The following NOD1 variants were observed in gnomAD, a reference collection of about 807,000 sequenced individuals.
NOD1 encodes the protein nucleotide binding oligomerization domain containing 1.
Under a neutral mutation model 81.2 loss-of-function variants are expected in NOD1, and 70 were observed. The observed-to-expected ratio is 0.86, with a 90% CI of 0.71 to 1.05. The LOEUF (loss-of-function observed/expected upper bound fraction) is 1.05, where lower values mean the gene tolerates loss of function less well. NOD1 is among the 50% of genes least tolerant of loss of function. The pLI, the probability that NOD1 is intolerant of heterozygous loss-of-function variation, is 0.00. For synonymous variants in NOD1, 508 were observed against 526.9 expected (o/e 0.96, Z 0.49); for missense variants, 1,233 against 1,228.0 (o/e 1.00, Z -0.06).
Position 30,467,042 on chromosome 7 carries a change from G to A in NOD1, c.-351-7001C>T, listed in dbSNP as rs377321093. Among the ~76,000 whole-genome samples the A allele has an allele frequency of 2.6e-5, 4 of 152,260 alleles. No individual in the cohort carries two copies. Among genetic ancestry groups the A allele is most frequent in the Middle Eastern group, 3.4e-3 (1 of 294 alleles). ...GGTTGGTATCCCTAAAAGCCAAGCC[G>A]ACCAGTGATGAAAAAGAACACGGTG... is the stretch of plus-strand genomic sequence containing the variant. On this transcript the variant is annotated intron_variant, in intron 1 of 13. Coordinates refer to ENST00000222823, the MANE Select transcript of NOD1 (RefSeq NM_006092.4). The surrounding 1 kb of genome is among the most constrained non-coding windows in gnomAD (Gnocchi z 4.5).
chr7:30,456,670 C>G (rs1161413494), intron 4 of NOD1, 51 bp downstream of exon 4: 1 of 1,547,060 alleles, frequency 6.5e-7, no homozygotes. Flanking sequence ...GAGGCCTCTT[C>G]TAGCTCCCGG....
intron 10 of NOD1, among the ~76,000 whole-genome samples, 182 bp from the exon 11 acceptor site, chr7:30,436,263 A>T (rs1784372647): frequency 6.6e-6 from 1 of 152,232 alleles, no homozygotes; most frequent in Non-Finnish European, 1.5e-5. Flanking sequence ...CCCAGAGCCC[A>T]CACACAGAGC....
chr7:30,464,209 T>C (rs1223612659), intron 1 of NOD1: 3 of 152,298 alleles, frequency 2.0e-5, no homozygotes, highest in Non-Finnish European at 4.4e-5. Context: ...ATGGTCTCCC[T>C]TTCCTCGGCC....
At chr7:30,473,641 C>G (rs972735128) in intron 1 of NOD1, among the ~76,000 whole-genome samples, 18 of 152,264 alleles carry the variant, frequency 1.2e-4, no homozygotes, top group African/African-American at 4.3e-4. Context: ...GAGGAGTGAG[C>G]TGCCACTTTC....
chr7:30,446,772 C>T, intron 8 of NOD1, 195 bp downstream of exon 8: 1 of 558,596 alleles, frequency 1.8e-6, no homozygotes, highest in East Asian at 3.0e-5. Flanking sequence ...ACCTTTCCCC[C>T]TACCAATAAC....
At chr7:30,454,135 GAC>G (rs1786092178) in intron 5 of NOD1, among the ~76,000 whole-genome samples, 1 of 152,232 alleles carries the variant, frequency 6.6e-6, no homozygotes, top group Admixed American at 6.5e-5. Context: ...GCCTAGCACT[GAC>G]ACTCTGCCGG....
rs537034896 is a variant in NOD1 at position 30,459,135 on chromosome 7, T to G, written c.-122+17A>C. The G allele has an allele frequency of 6.5e-6, 1 of 152,772 alleles. No individual in the cohort carries two copies. The highest frequency in any genetic ancestry group is 2.4e-5 in the African/African-American group (1 of 41,580). The allele number at this position is 152,772 out of a possible 1,614,324, so 9.5% of individuals were successfully genotyped here. A position where few individuals can be genotyped will look rare whatever the true frequency, so the allele number is the denominator to read the frequency against. On this transcript the variant is annotated intron_variant, in intron 3 of 13. Transcript: ENST00000222823. ...ACCAGCTGACAATATTAAATTTAAA[T>G]TAGCAGTTAATAATACCTTTTTAAG...
chr7:30,451,588 G>A lies in NOD1; in HGVS notation c.1829C>T (p.Ala610Val), dbSNP rs772160943. 31 of 1,613,642 alleles carry A rather than the reference G, an allele frequency of 1.9e-5. No individual in the cohort carries two copies. The highest frequency in any genetic ancestry group is 2.4e-5 in the Non-Finnish European group (28 of 1,180,010). The stretch of plus-strand genomic sequence containing the variant: ...CTTGCGCTTTCTCCTCAGGGCTGCC[G>A]CGGGCACCAGATGCCGCAGGAGTTT... ...KQKLLRHLVP[A>V]AALRRKRKAL... Residue 610 changes from alanine to valine, a missense_variant, in exon 6 of 14, where the codon GCG (alanine) becomes GTG (valine). Transcript: ENST00000222823. The surrounding 1 kb of genome is among the most constrained non-coding windows in gnomAD (Gnocchi z 4.2).
chr7:30,452,188 C>T lies in NOD1; in HGVS notation c.1229G>A (p.Gly410Asp), dbSNP rs1260580676. Reference protein sequence around the residue: ...CFQHFRAAFEGSPQLPDCTMT... With the variant: ...CFQHFRAAFEDSPQLPDCTMT... ...CGTGCAGTCGGGCAGCTGTGGTGAG[C>T]CTTCAAAGGCAGCACGGAAGTGCTG... Residue 410 changes from glycine (G) to aspartate (D), a missense_variant, in exon 6 of 14, where the codon GGC (glycine) becomes GAC (aspartate). Physicochemically the swap from Gly to Asp is moderately conservative, Grantham distance 94. Transcript: ENST00000222823. 1 of 1,613,930 alleles carries T rather than the reference C, an allele frequency of 6.2e-7. No individual in the cohort carries two copies. Among genetic ancestry groups the T allele is most frequent in the Non-Finnish European group, 8.5e-7 (1 of 1,180,022 alleles).
chr7:30,438,559 C>T (rs79995024), intron 9 of NOD1, among the ~76,000 whole-genome samples: 3,359 of 152,334 alleles, frequency 0.022, 111 homozygotes, highest in African/African-American at 0.076. Context: ...GTGGCCCACT[C>T]ACAACACAAT....
chr7:30,445,703 G>A (rs1239159029), intron 9 of NOD1, among the ~76,000 whole-genome samples: 3 of 140,938 alleles, frequency 2.1e-5, no homozygotes, highest in Non-Finnish European at 4.5e-5. Context: ...AGGTTGCAGT[G>A]AGCCGAGATC....
At chr7:30,454,468 A>C (rs980330565) in intron 5 of NOD1, among the ~76,000 whole-genome samples, 2 of 152,226 alleles carry the variant, frequency 1.3e-5, no homozygotes, top group African/African-American at 4.8e-5. Context: ...TCTCCCTGAC[A>C]TCCAGCACAG....
intron 8 of NOD1, 183 bp downstream of exon 8, chr7:30,446,784 G>C: frequency 1.8e-6 from 1 of 569,726 alleles, no homozygotes; most frequent in South Asian, 2.4e-5. Context: ...ACCAATAACG[G>C]GAGGCCCTTC....
At position 30,437,623 on chromosome 7, in the gene NOD1, T is replaced by C. The variant is rs141207330; in HGVS notation, c.2487A>G (p.Ala829=). Residue 829 remains alanine (A), a synonymous_variant, in exon 10 of 14, where the codon GCA becomes GCG. Transcript: ENST00000222823. ...TCCGCAGAGCCTCTGCGAAGGCTTT[T>C]GCTCCTTCATCCCCAACTTGATTGC... is the stretch of plus-strand genomic sequence containing the variant. ...MWGNQVGDEG[A]KAFAEALRNH... 2.0e-6 allele frequency: 3 copies of C among 1,511,862 alleles called. No homozygotes were observed. The highest frequency in any genetic ancestry group is 2.6e-6 in the Non-Finnish European group (3 of 1,142,740). The allele number at this position is 1,511,862 out of a possible 1,614,324, so 93.7% of individuals were successfully genotyped here.
chr7:30,446,454 C>G, intron 8 of NOD1: 1 of 548,946 alleles, frequency 1.8e-6, no homozygotes, highest in South Asian at 2.1e-5. Context: ...TCTGCAGAAG[C>G]TCAGGGACCT....
rs1784083270 is a variant in NOD1 at position 30,433,117 on chromosome 7, T to G, written c.2684A>C (p.Asn895Thr). 1.2e-6 allele frequency: 2 copies of G among 1,613,514 alleles called. No homozygotes were observed. The highest frequency in any genetic ancestry group is 1.7e-6 in the Non-Finnish European group (2 of 1,179,492). Residue 895 changes from asparagine to threonine, a missense_variant, in exon 12 of 14, where the codon AAC becomes ACC. Coordinates refer to ENST00000222823, the MANE Select transcript of NOD1 (RefSeq NM_006092.4). ...AESLAEMLKV[N>T]QTLKHLWLIQ... ...TTACCATAAATGCTTTAACGTCTGG[T>G]TGACTTTCAACATTTCTGCCAAACT...
intron 1 of NOD1, chr7:30,468,926 T>C: frequency 1.0e-6 from 1 of 985,450 alleles, no homozygotes; most frequent in Non-Finnish European, 1.2e-6. Flanking sequence ...ACAACAGACT[T>C]CTTCACTCTG....
At chr7:30,427,509 T>C (rs1456035141) in intron 13 of NOD1, among the ~76,000 whole-genome samples, 5 of 152,156 alleles carry the variant, frequency 3.3e-5, no homozygotes, top group African/African-American at 1.2e-4. Flanking sequence ...AGCCACAGCC[T>C]TCTCAGAGCC....
intron 1 of NOD1, chr7:30,460,564 A>T (rs1786936854): frequency 1.0e-6 from 1 of 985,320 alleles, no homozygotes; most frequent in Non-Finnish European, 1.2e-6. Flanking sequence ...AACCAAGCTA[A>T]TGGAGGCAGC....
Sources: allele counts gnomAD v4.1 joint callset (sites outside exome capture counted in the v4.1 genomes callset), GRCh38; gene constraint gnomAD v4.1.1; non-coding constraint Gnocchi (gnomAD v3.1); transcripts MANE v1.5; gene names NCBI Gene and HGNC (gene_info 2026-07-23, HGNC 2026-07-21).